ATP8B1: variants seen among roughly 807,000 people sequenced by gnomAD.
ATP8B1 encodes the protein ATPase phospholipid transporting 8B1.
ATP8B1 carries 80 observed loss-of-function variants against 149.9 expected under a neutral mutation model. That is an observed-to-expected ratio of 0.53 (90% CI 0.45 to 0.64). ATP8B1 has a LOEUF of 0.64. Ranked by LOEUF, ATP8B1 falls within the 30% of genes least tolerant of loss-of-function variation. The pLI is 0.00. For missense variants in ATP8B1, 1,247 were observed against 1,552.6 expected (o/e 0.80, Z 3.31); for synonymous variants, 536 against 562.8 (o/e 0.95, Z 0.67).
intron 24 of ATP8B1, 100 bp downstream of exon 24, chr18:57,653,892 A>G: frequency 5.6e-6 from 6 of 1,080,874 alleles, no homozygotes; most frequent in South Asian, 4.0e-5. Context: ...TTGATCAGAA[A>G]GAAGTAAACA....
At chr18:57,703,184 A>C (rs1913214115) in intron 4 of ATP8B1, among the ~76,000 whole-genome samples, 1 of 151,820 alleles carries the variant, frequency 6.6e-6, no homozygotes, top group South Asian at 2.1e-4. Context: ...CTCCATCCCC[A>C]CCTAGACACA....
chr18:57,652,416 C>T, intron 25 of ATP8B1, 68 bp downstream of exon 25: 1 of 1,603,812 alleles, frequency 6.2e-7, no homozygotes, highest in South Asian at 1.1e-5. Flanking sequence ...GATGTGCATG[C>T]CACCCTATAT....
chr18:57,681,335 GAA>G (rs1044694836), intron 15 of ATP8B1, among the ~76,000 whole-genome samples: 2 of 152,088 alleles, frequency 1.3e-5, no homozygotes, highest in African/African-American at 2.4e-5. Context: ...CGTGAACGTG[GAA>G]AAAGACACTG....
chr18:57,788,348 G>A (rs1483111766), intron 1 of ATP8B1, among the ~76,000 whole-genome samples: 1 of 152,158 alleles, frequency 6.6e-6, no homozygotes, highest in Non-Finnish European at 1.5e-5. Flanking sequence ...GAGGCCAGGA[G>A]TTTGAGATCA....
intron 2 of ATP8B1, among the ~76,000 whole-genome samples, chr18:57,727,138 A>C (rs777525245): frequency 6.6e-6 from 1 of 152,124 alleles, no homozygotes; most frequent in Non-Finnish European, 1.5e-5. Flanking sequence ...GCACAGTATC[A>C]CCACCCTTCC....
intron 19 of ATP8B1, 120 bp from the exon 20 acceptor site, chr18:57,667,287 T>G: frequency 1.3e-6 from 1 of 774,850 alleles, no homozygotes; most frequent in East Asian, 2.7e-5. Flanking sequence ...GCACAATCTC[T>G]GCTCACTACA....
intron 1 of ATP8B1, among the ~76,000 whole-genome samples, chr18:57,793,965 C>G (rs2080487016): frequency 6.6e-6 from 1 of 152,194 alleles, no homozygotes; most frequent in Non-Finnish European, 1.5e-5. Flanking sequence ...AAGCCTAAGA[C>G]TGATAACAAA....
chr18:57,799,180 G>A (rs1394556555), intron 1 of ATP8B1, among the ~76,000 whole-genome samples: 2 of 152,186 alleles, frequency 1.3e-5, no homozygotes, highest in Non-Finnish European at 2.9e-5. Context: ...CTTGCCCTAG[G>A]TTATGCACCT....
intron 2 of ATP8B1, among the ~76,000 whole-genome samples, chr18:57,718,955 A>G (rs2079610802): frequency 6.6e-6 from 1 of 152,226 alleles, no homozygotes; most frequent in Admixed American, 6.5e-5. Context: ...TTCCTCTTAG[A>G]TCTGGAACAT....
chr18:57,778,691 CTT>C (rs1390194049), intron 1 of ATP8B1, among the ~76,000 whole-genome samples: 8 of 152,168 alleles, frequency 5.3e-5, no homozygotes, highest in African/African-American at 1.7e-4. Context: ...ATTCCATCCT[CTT>C]GGGCTGTTGG....
Position 57,652,065 on chromosome 18 carries a change from A to G in ATP8B1, c.3369T>C (p.His1123=). 6.2e-7 allele frequency: 1 copy of G among 1,614,012 alleles called. No homozygotes were observed. Among genetic ancestry groups the G allele is most frequent in the South Asian group, 1.1e-5 (1 of 91,082 alleles). Residue 1123 remains histidine (H), a synonymous_variant, in exon 26 of 28, where the codon CAT becomes CAC. Coordinates refer to ENST00000648908, the MANE Select transcript of ATP8B1 (RefSeq NM_001374385.1). ...ATTGAAATGCAGATGGAAAGAGAAC[A>G]TGTATTCCAGCACTATGAAAGTCAA... is the stretch of plus-strand genomic sequence containing the variant. ...IMFDFHSAGI[H]VLFPSAFQFT...
chr18:57,680,481 G>A (rs1159466705), intron 15 of ATP8B1, among the ~76,000 whole-genome samples: 18 of 151,362 alleles, frequency 1.2e-4, no homozygotes, highest in African/African-American at 3.9e-4. Flanking sequence ...GCTACTCGGA[G>A]GCTGAGGCAG....
intron 1 of ATP8B1, among the ~76,000 whole-genome samples, chr18:57,732,185 A>ATATGTTTG (rs1224316312): frequency 1.6e-4 from 19 of 115,790 alleles, no homozygotes; most frequent in African/African-American, 6.3e-4. Context: ...ATATGTGTAT[A>ATATGTTTG]TATGTATATA....
At chr18:57,730,037 C>T (rs1430266178) in intron 2 of ATP8B1, among the ~76,000 whole-genome samples, 1 of 152,122 alleles carries the variant, frequency 6.6e-6, no homozygotes, top group African/African-American at 2.4e-5. Flanking sequence ...TCAATGGCCT[C>T]CCCACATTTG....
At chr18:57,797,025 G>A (rs924231102) in intron 1 of ATP8B1, among the ~76,000 whole-genome samples, 1 of 152,122 alleles carries the variant, frequency 6.6e-6, no homozygotes, top group African/African-American at 2.4e-5. Context: ...AACTCACTAA[G>A]TTCCAGGAAG....
At position 57,707,698 on chromosome 18, in the gene ATP8B1, G is replaced by A. The variant is rs532426046; in HGVS notation, c.182-1111C>T. The stretch of plus-strand genomic sequence containing the variant: ...TAATTTTTGTATTTTTAGTAGAGAC[G>A]GGGTTTCACCATATTGGCCAGTCTG... On this transcript the variant is annotated intron_variant, in intron 2 of 27. Transcript: ENST00000648908. Among the ~76,000 whole-genome samples the A allele has an allele frequency of 2.0e-5, 3 of 151,434 alleles. No homozygotes were observed. In the South Asian group the frequency reaches 6.3e-4, roughly 32 times the overall value.
At chr18:57,699,032 C>T (rs969830967) in intron 6 of ATP8B1, among the ~76,000 whole-genome samples, 56 of 152,288 alleles carry the variant, frequency 3.7e-4, no homozygotes, top group African/African-American at 1.3e-3. Context: ...GTTAAATTAA[C>T]GTAGTCAACT....
At chr18:57,790,446 C>T (rs2080453385) in intron 1 of ATP8B1, among the ~76,000 whole-genome samples, 1 of 152,188 alleles carries the variant, frequency 6.6e-6, no homozygotes, top group South Asian at 2.1e-4. Context: ...AGTTTGGTGC[C>T]TGCCTCCCTT....
intron 10 of ATP8B1, among the ~76,000 whole-genome samples, 197 bp downstream of exon 10, chr18:57,694,974 G>C (rs187753576): frequency 7.2e-6 from 1 of 138,452 alleles, no homozygotes; most frequent in East Asian, 2.2e-4. Context: ...AGGTTGCAGT[G>C]AGCTGAGATT....
Sources: allele counts gnomAD v4.1 joint callset (sites outside exome capture counted in the v4.1 genomes callset), GRCh38; gene constraint gnomAD v4.1.1; transcripts MANE v1.5; gene names NCBI Gene and HGNC (gene_info 2026-07-23, HGNC 2026-07-21).